The following BRINP2 variants were observed in gnomAD, a reference collection of about 807,000 sequenced individuals.
The protein encoded by BRINP2 is BMP/retinoic acid inducible neural specific 2, also known as BMP/retinoic acid-inducible neural-specific protein 2.
BRINP2 carries 21 observed loss-of-function variants against 69.2 expected under a neutral mutation model. That is an observed-to-expected ratio of 0.30 (90% CI 0.22 to 0.44). The LOEUF (loss-of-function observed/expected upper bound fraction) is 0.44. BRINP2 is among the 20% of genes least tolerant of loss of function. BRINP2 has a pLI of 1.00. For synonymous variants in BRINP2, 380 were observed against 394.1 expected (o/e 0.96, Z 0.42); for missense variants, 877 against 986.0 (o/e 0.89, Z 1.48).
chr1:177,252,617 CA>C (rs536917967), intron 2 of BRINP2, among the ~76,000 whole-genome samples: 34 of 152,114 alleles, frequency 2.2e-4, no homozygotes, highest in Admixed American at 2.2e-3. Flanking sequence ...TTAAAATCTA[CA>C]GTACATTATT....
chr1:177,209,691 T>C (rs1439046345), intron 1 of BRINP2, among the ~76,000 whole-genome samples: 1 of 152,130 alleles, frequency 6.6e-6, no homozygotes, highest in African/African-American at 2.4e-5. Flanking sequence ...GCTGTTCAAA[T>C]TGGTGGCTGA....
intron 1 of BRINP2, among the ~76,000 whole-genome samples, chr1:177,222,887 C>T (rs764412989): frequency 5.3e-5 from 8 of 151,920 alleles, no homozygotes; most frequent in African/African-American, 1.7e-4. Context: ...TTCTCAGGGC[C>T]GCAAGGAGTG....
rs191454223 is a variant in BRINP2, at chr1:177,197,225, C to G, written c.-77+25493C>G. 6.3e-3 allele frequency among the ~76,000 whole-genome samples: 961 copies of G among 152,214 alleles called. 10 individuals are homozygous for G. Among genetic ancestry groups the G allele is most frequent in the African/African-American group, 0.022 (906 of 41,506 alleles). ...CCAATCATGGAAGGCAAAGGGGGAG[C>G]AAGGTGTCTCACATGGCAGGAGCAG... On this transcript the variant is annotated intron_variant, in intron 1 of 7. Coordinates refer to ENST00000361539, the MANE Select transcript of BRINP2 (RefSeq NM_021165.4).
In BRINP2 at chr1:177,278,823, C is replaced by G. The variant is rs1651597161; in HGVS notation, c.1235+38C>G. The G allele has an allele frequency of 1.9e-6, 3 of 1,594,662 alleles. No homozygotes were observed. In the South Asian group the frequency reaches 3.3e-5, roughly 18 times the overall value. On this transcript the variant is annotated intron_variant, in intron 7 of 7. Coordinates refer to ENST00000361539, the MANE Select transcript of BRINP2 (RefSeq NM_021165.4). ...TGGCTGCTACAGCCAGAGCTCAGCA[C>G]CTCCCCTGACAGCTGCTGAGGCCAA...
At chr1:177,196,355 C>T (rs989071326) in intron 1 of BRINP2, among the ~76,000 whole-genome samples, 1 of 152,114 alleles carries the variant, frequency 6.6e-6, no homozygotes, top group Admixed American at 6.5e-5. Flanking sequence ...CGGTGGCTCA[C>T]GCCTGTAATC....
At position 177,282,401 on chromosome 1, in the gene BRINP2, A is replaced by G. The variant is rs1042163164; in HGVS notation, c.*873A>G. 3 of 152,138 alleles carry G rather than the reference A, an allele frequency of 2.0e-5. No homozygotes were observed. The highest frequency in any genetic ancestry group is 1.3e-4 in the Admixed American group (2 of 15,280). 9.4% of individuals were successfully genotyped at this position (152,138 alleles called of 1,614,324 possible). ...CTCCAACCACCTGAACATCTAAGTAAACATTTATCTGGTTTAATATATTTT... is the reference window on the plus strand; with the variant it reads ...CTCCAACCACCTGAACATCTAAGTAGACATTTATCTGGTTTAATATATTTT... On this transcript the variant is annotated 3_prime_UTR_variant, in exon 8 of 8. Transcript: ENST00000361539.
chr1:177,258,146 T>C (rs1405415842), intron 4 of BRINP2, among the ~76,000 whole-genome samples: 1 of 152,244 alleles, frequency 6.6e-6, no homozygotes, highest in African/African-American at 2.4e-5. Context: ...TTAATAACTA[T>C]AACCTTCATC....
chr1:177,281,632 G>A lies in BRINP2; in HGVS notation c.*104G>A. 7.0e-7 allele frequency: 1 copy of A among 1,428,172 alleles called. No homozygotes were observed. The allele number at this position is 1,428,172 out of a possible 1,614,324, so 88.5% of individuals were successfully genotyped here. On this transcript the variant is annotated 3_prime_UTR_variant, in exon 8 of 8. Transcript: ENST00000361539. Reference sequence around the variant, plus strand: ...GTGCCAACAGGGTGTGCTCCCACGAGACTTTCAGCATCCAGTAGATGGGAC... The same window carrying A: ...GTGCCAACAGGGTGTGCTCCCACGAAACTTTCAGCATCCAGTAGATGGGAC...
At chr1:177,178,724 A>T (rs919477226) in intron 1 of BRINP2, among the ~76,000 whole-genome samples, 1 of 152,130 alleles carries the variant, frequency 6.6e-6, no homozygotes, top group Non-Finnish European at 1.5e-5. Context: ...AGGCTCGAAG[A>T]CATACTTCTC....
chr1:177,185,806 C>G (rs1459260699), intron 1 of BRINP2, among the ~76,000 whole-genome samples: 1 of 152,148 alleles, frequency 6.6e-6, no homozygotes, highest in Non-Finnish European at 1.5e-5. Flanking sequence ...ACCCTGTTCA[C>G]AGCTCTATCA....
At chr1:177,201,291 A>G (rs539979086) in intron 1 of BRINP2, among the ~76,000 whole-genome samples, 6 of 152,354 alleles carry the variant, frequency 3.9e-5, no homozygotes, top group African/African-American at 1.4e-4. Flanking sequence ...CCTTTAGTTT[A>G]ATTTCTTCTA....
At position 177,183,632 on chromosome 1, in the gene BRINP2, G is replaced by A. The variant is rs148006748; in HGVS notation, c.-77+11900G>A. Reference sequence around the variant, plus strand: ...CATTAAATCAGTGAGAAGAGACTTGGGAATGTACCAATGTAGCAAGCTTAT... The same window carrying A: ...CATTAAATCAGTGAGAAGAGACTTGAGAATGTACCAATGTAGCAAGCTTAT... On this transcript the variant is annotated intron_variant, in intron 1 of 7. Transcript: ENST00000361539. 4.5e-3 allele frequency among the ~76,000 whole-genome samples: 690 copies of A among 151,744 alleles called. 1 individual carries two copies. The highest frequency in any genetic ancestry group is 0.01 in the Admixed American group (153 of 15,246).
chr1:177,209,728 T>A (rs1649171649), intron 1 of BRINP2, among the ~76,000 whole-genome samples: 1 of 151,528 alleles, frequency 6.6e-6, no homozygotes, highest in Non-Finnish European at 1.5e-5. Flanking sequence ...CAGCTAACAC[T>A]CAGGTCTCAC....
chr1:177,265,573 T>A (rs1257150049), intron 4 of BRINP2, among the ~76,000 whole-genome samples: 1 of 152,188 alleles, frequency 6.6e-6, no homozygotes, highest in Non-Finnish European at 1.5e-5. Context: ...TTGTATCATA[T>A]TGCTCCCTGC....
At chr1:177,190,003 C>T (rs189806167) in intron 1 of BRINP2, among the ~76,000 whole-genome samples, 4 of 152,252 alleles carry the variant, frequency 2.6e-5, no homozygotes, top group South Asian at 4.1e-4. Flanking sequence ...TTCAACTGAA[C>T]GGAAATTCCC....
intron 3 of BRINP2, chr1:177,256,806 G>A: frequency 8.7e-7 from 1 of 1,146,296 alleles, no homozygotes; most frequent in Non-Finnish European, 1.1e-6. Context: ...GCCCCTTCAA[G>A]GCTTTTGCCC....
chr1:177,230,819 G>A lies in BRINP2; in HGVS notation c.269+674G>A, dbSNP rs564364648. Reference sequence around the variant, plus strand: ...CTTCAAAAATAGAGTGCTCCTCCACGTGCTCACCTCCAGGGCTCCCACAGT... The same window carrying A: ...CTTCAAAAATAGAGTGCTCCTCCACATGCTCACCTCCAGGGCTCCCACAGT... On this transcript the variant is annotated intron_variant, in intron 2 of 7. Coordinates refer to ENST00000361539, the MANE Select transcript of BRINP2 (RefSeq NM_021165.4). Among the ~76,000 whole-genome samples, 62 of 152,256 alleles carry A rather than the reference G, an allele frequency of 4.1e-4. 1 individual carries two copies. The East Asian group carries it at 4.6e-3, about 11-fold the overall frequency.
intron 2 of BRINP2, among the ~76,000 whole-genome samples, chr1:177,239,450 A>G (rs538031457): frequency 2.2e-4 from 34 of 152,372 alleles, no homozygotes; most frequent in African/African-American, 7.7e-4. Flanking sequence ...AAGATGCAGT[A>G]TCTTACTTCT....
chr1:177,195,195 G>A (rs2102299363), intron 1 of BRINP2, among the ~76,000 whole-genome samples: 1 of 152,004 alleles, frequency 6.6e-6, no homozygotes, highest in East Asian at 1.9e-4. Flanking sequence ...TTCTCTCAAA[G>A]GACAAATATT....
Sources: gnomAD v4.1 joint callset for allele counts (sites outside exome capture counted in the v4.1 genomes callset) on GRCh38, gnomAD v4.1.1 for gene constraint, MANE v1.5 for transcripts, NCBI Gene and HGNC (gene_info 2026-07-23, HGNC 2026-07-21) for gene names.